The following KLF13 variants were observed in gnomAD, a reference collection of about 807,000 sequenced individuals.
The protein encoded by KLF13 is Krueppel-like factor 13.
In KLF13, 8 loss-of-function variants were observed where a neutral mutation model predicts 16.7. That is an observed-to-expected ratio of 0.48 (90% CI 0.28 to 0.87). The LOEUF is 0.87. KLF13 is among the 40% of genes least tolerant of loss of function. The pLI, the probability that KLF13 is intolerant of heterozygous loss-of-function variation, is 0.10. For missense variants in KLF13, 447 were observed against 452.2 expected (o/e 0.99, Z 0.10); for synonymous variants, 245 against 208.4 (o/e 1.18, Z -1.51).
intron 1 of KLF13, among the ~76,000 whole-genome samples, chr15:31,429,404 G>A (rs2040441416): frequency 6.6e-6 from 1 of 152,146 alleles, no homozygotes; most frequent in African/African-American, 2.4e-5. Context: ...GAGATGGAAA[G>A]CAGAATAGCA....
chr15:31,420,298 C>T lies in KLF13; in HGVS notation n.118-15072C>T. 6.7e-6 allele frequency: 6 copies of T among 897,622 alleles called. No individual in the cohort carries two copies. In the South Asian group the frequency reaches 7.7e-5, roughly 12 times the overall value. 55.6% of individuals were successfully genotyped at this position (897,622 alleles called of 1,614,324 possible). A position where few individuals can be genotyped will look rare whatever the true frequency, so the allele number is the denominator to read the frequency against. ...GGATTTCTGCTTTCCTTGAATCAGA[C>T]AACCTTTTCAAATGGGTAGGGACCA... On this transcript the variant is annotated intron_variant and non_coding_transcript_variant, in intron 1 of 1. Coordinates refer to the KLF13 transcript ENST00000558225.
intron 1 of KLF13, among the ~76,000 whole-genome samples, chr15:31,416,698 G>A (rs2040260545): frequency 6.6e-6 from 1 of 152,044 alleles, no homozygotes; most frequent in African/African-American, 2.4e-5. Context: ...AGGAAAAATG[G>A]ACCAAAATAC....
intron 1 of KLF13, among the ~76,000 whole-genome samples, chr15:31,361,697 G>A (rs916620459): frequency 4.6e-5 from 7 of 152,058 alleles, no homozygotes; most frequent in Admixed American, 2.6e-4. Context: ...CTGGGAGCAC[G>A]GGCACCTGGG....
chr15:31,428,758 G>A (rs59955066), intron 1 of KLF13, among the ~76,000 whole-genome samples: 8,118 of 137,558 alleles, frequency 0.059, 847 homozygotes, highest in African/African-American at 0.21. Context: ...AGCCGAGATC[G>A]CGCCACTGCA....
intron 1 of KLF13, among the ~76,000 whole-genome samples, chr15:31,411,117 C>T (rs1009142031): frequency 6.6e-6 from 1 of 152,150 alleles, no homozygotes; most frequent in Non-Finnish European, 1.5e-5. Flanking sequence ...CAATTTTACA[C>T]AATCTCTTCC....
Position 31,327,348 on chromosome 15 carries a change from C to A in KLF13, c.136C>A (p.Leu46Met). ...CGCGGCCGTGGCCGCCACCCCCACG[C>A]TGCCCCGCGTCGAGGAGCGCCGCGA... ...EGAAVAATPTLPRVEERRDGK... is the reference protein window; with the variant it reads ...EGAAVAATPTMPRVEERRDGK... Residue 46 changes from leucine (L) to methionine (M), a missense_variant, in exon 1 of 2, where the codon CTG (leucine) becomes ATG (methionine). By Grantham distance (15) the Leu-to-Met change is conservative. Coordinates refer to ENST00000307145, the MANE Select transcript of KLF13 (RefSeq NM_015995.4). 7.8e-7 allele frequency: 1 copy of A among 1,277,764 alleles called. No individual in the cohort carries two copies. The highest frequency in any genetic ancestry group is 2.3e-5 in the South Asian group (1 of 42,734). The allele number at this position is 1,277,764 out of a possible 1,614,324, so 79.2% of individuals were successfully genotyped here. A position where few individuals can be genotyped will look rare whatever the true frequency, so the allele number is the denominator to read the frequency against.
At chr15:31,420,601 C>T (rs912442526) in intron 1 of KLF13, 7 of 434,646 alleles carry the variant, frequency 1.6e-5, no homozygotes, top group Non-Finnish European at 2.6e-5. Flanking sequence ...TCTGGAAAAA[C>T]CCTACAGCTT....
At chr15:31,367,701 C>T (rs1380537510) in intron 1 of KLF13, among the ~76,000 whole-genome samples, 1 of 152,186 alleles carries the variant, frequency 6.6e-6, no homozygotes, top group Non-Finnish European at 1.5e-5. Flanking sequence ...ACCCAGTTGA[C>T]AGGGCTAATG....
chr15:31,419,774 T>C (rs1176417416), intron 1 of KLF13, among the ~76,000 whole-genome samples: 2 of 152,156 alleles, frequency 1.3e-5, no homozygotes. Context: ...TGGCCCAAAC[T>C]TCCAAATCTA....
chr15:31,355,449 A>G (rs1566814394), intron 1 of KLF13, among the ~76,000 whole-genome samples: 2 of 152,208 alleles, frequency 1.3e-5, no homozygotes, highest in Admixed American at 6.5e-5. Flanking sequence ...GGTAATACAC[A>G]TAGCTTAAGG....
At chr15:31,422,472 T>C (rs1277584847) in intron 1 of KLF13, among the ~76,000 whole-genome samples, 2 of 151,444 alleles carry the variant, frequency 1.3e-5, no homozygotes, top group South Asian at 4.2e-4. Flanking sequence ...ACTCACTCAT[T>C]ACCATGAGAA....
chr15:31,431,026 C>T (rs1164530116), intron 1 of KLF13, among the ~76,000 whole-genome samples: 1 of 152,094 alleles, frequency 6.6e-6, no homozygotes, highest in Non-Finnish European at 1.5e-5. Flanking sequence ...TTCTAACCCC[C>T]AAGGTGATGG....
At chr15:31,392,429 C>T (rs1051597420), upstream of KLF13, among the ~76,000 whole-genome samples, 3 of 152,198 alleles carry the variant, frequency 2.0e-5, no homozygotes, top group African/African-American at 4.8e-5. Context: ...GCCGCCCAGG[C>T]CACGCCCCTC....
At chr15:31,354,200 A>G (rs1201514413) in intron 1 of KLF13, among the ~76,000 whole-genome samples, 4 of 151,568 alleles carry the variant, frequency 2.6e-5, no homozygotes, top group Non-Finnish European at 5.9e-5. Flanking sequence ...GGCCTGCAGG[A>G]TGGGACTTTG....
chr15:31,378,455 G>A (rs537332853), downstream of KLF13, among the ~76,000 whole-genome samples: 31 of 152,302 alleles, frequency 2.0e-4, no homozygotes, highest in East Asian at 5.8e-3. Flanking sequence ...TGATAGCAGA[G>A]CCCGTTTAAG....
At chr15:31,394,087 GA>G (rs2039917162) in intron 2 of KLF13, among the ~76,000 whole-genome samples, 1 of 152,014 alleles carries the variant, frequency 6.6e-6, no homozygotes, top group Non-Finnish European at 1.5e-5. Flanking sequence ...GCCAAAGAGA[GA>G]TGCTGACAGC....
At chr15:31,334,540 G>A (rs1170892789) in intron 1 of KLF13, among the ~76,000 whole-genome samples, 1 of 151,798 alleles carries the variant, frequency 6.6e-6, no homozygotes, top group Non-Finnish European at 1.5e-5. Context: ...TGATTCTCCT[G>A]CCTCAGCCTC....
chr15:31,331,203 G>A (rs1451973214), intron 1 of KLF13, among the ~76,000 whole-genome samples: 1 of 152,178 alleles, frequency 6.6e-6, no homozygotes, highest in Non-Finnish European at 1.5e-5. Flanking sequence ...TGCATGCTGG[G>A]CCCTTTCTGG....
intron 1 of KLF13, among the ~76,000 whole-genome samples, chr15:31,364,503 G>A (rs967178283): frequency 1.3e-5 from 2 of 152,204 alleles, no homozygotes; most frequent in Non-Finnish European, 2.9e-5. Flanking sequence ...CATGCTTCCC[G>A]GGGCCCCTTG....
Sources: allele counts gnomAD v4.1 joint callset (sites outside exome capture counted in the v4.1 genomes callset), GRCh38; gene constraint gnomAD v4.1.1; transcripts MANE v1.5; gene names NCBI Gene and HGNC (gene_info 2026-07-23, HGNC 2026-07-21).